MESP1: variants seen among roughly 807,000 people sequenced by gnomAD.
MESP1 encodes mesoderm posterior protein 1.
Under a neutral mutation model 15.2 loss-of-function variants are expected in MESP1, and 22 were observed. The observed-to-expected ratio is 1.45, with a 90% CI of 1.04 to 2.07. The LOEUF (loss-of-function observed/expected upper bound fraction) is 2.07, where lower values mean the gene tolerates loss of function less well. Ranked by LOEUF, MESP1 falls within the 30% of genes most tolerant of loss-of-function variation. The pLI is 0.00. For synonymous variants in MESP1, 216 were observed against 192.6 expected (o/e 1.12, Z -1.01); for missense variants, 484 against 411.9 (o/e 1.17, Z -1.51).
chr15:89,737,895 G>A, the MESP1 span: 2 of 1,306,144 alleles, frequency 1.5e-6, no homozygotes, highest in Admixed American at 2.2e-5. Flanking sequence ...TAAAATGCCA[G>A]CAGGGTCTTC....
chr15:89,749,241 A>C (rs1404849726), downstream of MESP1: 2 of 152,184 alleles, frequency 1.3e-5, no homozygotes, highest in Non-Finnish European at 2.9e-5. Flanking sequence ...ATGGTTATAT[A>C]AACTCAGGAC....
chr15:89,741,826 A>G, the MESP1 span, among the ~76,000 whole-genome samples: 1 of 151,906 alleles, frequency 6.6e-6, no homozygotes, highest in Admixed American at 6.6e-5. Flanking sequence ...ATCTCAGCTC[A>G]CTGCAACCTC....
the MESP1 span, among the ~76,000 whole-genome samples, chr15:89,743,011 T>A: frequency 6.6e-6 from 1 of 152,244 alleles, no homozygotes; most frequent in East Asian, 1.9e-4. Context: ...TTGTGTGTAA[T>A]ACCACAGCTT....
At chr15:89,742,864 A>T in the MESP1 span, among the ~76,000 whole-genome samples, 2 of 152,222 alleles carry the variant, frequency 1.3e-5, no homozygotes, top group Non-Finnish European at 2.9e-5. Context: ...GACCCAACTC[A>T]AACTGTCTTT....
chr15:89,737,602 G>A, the MESP1 span: 1 of 1,614,104 alleles, frequency 6.2e-7, no homozygotes, highest in Non-Finnish European at 8.5e-7. Context: ...ATGGCTCTGT[G>A]TGCCTTATGG....
chr15:89,750,692 A>G lies in MESP1; in HGVS notation c.540T>C (p.Ala180=). ...GCCCGCGCCCCTGCCCCTGCCCCTC[A>G]GCCTGCGTCCGTGTCTGCATCTGCG... The part of the protein sequence containing the change: ...CPAQMQTRTQ[A]EGQGQGRGLG... Residue 180 remains alanine (A), a synonymous_variant, in exon 1 of 2, where the codon GCT becomes GCC. Transcript: ENST00000300057. The G allele has an allele frequency of 2.9e-6, 4 of 1,364,974 alleles. No homozygotes were observed. Among genetic ancestry groups the G allele is most frequent in the Non-Finnish European group, 3.8e-6 (4 of 1,064,172 alleles). The allele number at this position is 1,364,974 out of a possible 1,614,324, so 84.6% of individuals were successfully genotyped here.
intron 1 of MESP1, 31 bp downstream of exon 1, chr15:89,750,478 A>G: frequency 6.7e-7 from 1 of 1,483,056 alleles, no homozygotes; most frequent in Non-Finnish European, 8.9e-7. Flanking sequence ...GGGGGCACGG[A>G]CGAAGGGGGC....
chr15:89,750,038 T>C lies in MESP1; in HGVS notation c.*106A>G. The C allele has an allele frequency of 8.9e-7, 1 of 1,121,382 alleles. No individual in the cohort carries two copies. Among genetic ancestry groups the C allele is most frequent in the South Asian group, 1.3e-5 (1 of 78,356 alleles). The allele number at this position is 1,121,382 out of a possible 1,614,324, so 69.5% of individuals were successfully genotyped here. On this transcript the variant is annotated 3_prime_UTR_variant, in exon 2 of 2. Transcript: ENST00000300057. ...ACCCGCAGGAATGCCCCCGTCGGGA[T>C]CGCCCGTGCCCTCTTCCAGGAAAGG...
chr15:89,747,109 C>CAT (rs1967984328), downstream of MESP1, among the ~76,000 whole-genome samples: 6 of 22,460 alleles, frequency 2.7e-4, no homozygotes, highest in African/African-American at 1.3e-3. Context: ...CATACACACA[C>CAT]ACACACACAC....
Position 89,750,181 on chromosome 15 carries a change from A to AG in MESP1, c.769dup (p.Leu257ProfsTer9), listed in dbSNP as rs1159779102. The AG allele has an allele frequency of 3.7e-6, 6 of 1,613,920 alleles. No individual in the cohort carries two copies. In the African/African-American group the frequency reaches 6.7e-5, roughly 18 times the overall value. ...CTCAGGCAGCCACTCCAGAGGCGAGAGGGGCATCCAGGTCTCCAACAGAGC... is the reference window on the plus strand; with the variant it reads ...CTCAGGCAGCCACTCCAGAGGCGAGAGGGGGCATCCAGGTCTCCAACAGAGC... On this transcript the variant is annotated frameshift_variant, in exon 2 of 2. Transcript: ENST00000300057. LOFTEE classifies it high-confidence loss of function.
Position 89,750,221 on chromosome 15 carries a change from G to C in MESP1, c.730C>G (p.Pro244Ala). 6.2e-7 allele frequency: 1 copy of C among 1,613,988 alleles called. No individual in the cohort carries two copies. The highest frequency in any genetic ancestry group is 8.5e-7 in the Non-Finnish European group (1 of 1,179,960). The change falls in exon 2 of 2, where the codon CCG (proline) becomes GCG (alanine). Residue 244 changes from proline (P) to alanine (A), a missense_variant. Pro to Ala is a conservative substitution (Grantham distance 27). Transcript: ENST00000300057. ...TCCAACAGAGCCAGCACGTCGCCCGGAAGGAGCTGTAGGGAGAGACGGAAC... is the reference window on the plus strand; with the variant it reads ...TCCAACAGAGCCAGCACGTCGCCCGCAAGGAGCTGTAGGGAGAGACGGAAC... ...MEPSPPSPLL[P>A]GDVLALLETW... is the part of the protein sequence containing the mutation.
At chr15:89,736,478 A>G in the MESP1 span, among the ~76,000 whole-genome samples, 7 of 152,028 alleles carry the variant, frequency 4.6e-5, no homozygotes, top group Non-Finnish European at 8.8e-5. Context: ...TGTTAAAGAG[A>G]GGGAGTGAAT....
the MESP1 span, among the ~76,000 whole-genome samples, chr15:89,732,765 TC>T: frequency 6.6e-6 from 1 of 152,078 alleles, no homozygotes; most frequent in Non-Finnish European, 1.5e-5. Flanking sequence ...CCTGCCCTCC[TC>T]CATGCTCTTG....
the MESP1 span, among the ~76,000 whole-genome samples, chr15:89,732,845 T>C: frequency 6.7e-4 from 102 of 152,250 alleles, no homozygotes; most frequent in African/African-American, 2.4e-3. Flanking sequence ...TCTCTCCCAT[T>C]GGGCACTAGG....
the MESP1 span, among the ~76,000 whole-genome samples, chr15:89,742,002 T>G: frequency 6.6e-6 from 1 of 152,160 alleles, no homozygotes; most frequent in Non-Finnish European, 1.5e-5. Context: ...CCACCCGCCT[T>G]GGCCTCCCAA....
chr15:89,751,149 G>C lies in MESP1; in HGVS notation c.83C>G (p.Ser28Cys). Residue 28 changes from serine (S) to cysteine (C), a missense_variant, in exon 1 of 2, where the codon TCC (serine) becomes TGC (cysteine). Transcript: ENST00000300057. ...AWGPTRRPPP[S>C]DKDCGRSLVS... is the part of the protein sequence containing the mutation. ...GAGGGAGCGGCCGCAGTCCTTGTCG[G>C]AGGGCGGCGGCCGCCGAGTTGGGCC... The C allele has an allele frequency of 7.9e-7, 1 of 1,268,470 alleles. No homozygotes were observed. The highest frequency in any genetic ancestry group is 9.9e-7 in the Non-Finnish European group (1 of 1,010,178). 78.6% of individuals were successfully genotyped at this position (1,268,470 alleles called of 1,614,324 possible).
chr15:89,746,363 ACAG>A (rs1247730411), downstream of MESP1, among the ~76,000 whole-genome samples: 4 of 126,792 alleles, frequency 3.2e-5, no homozygotes, highest in African/African-American at 1.5e-4. Flanking sequence ...ACACATCCAC[ACAG>A]CATCCACACC....
chr15:89,733,181 C>T, the MESP1 span: 16 of 1,613,874 alleles, frequency 9.9e-6, no homozygotes, highest in Middle Eastern at 6.6e-4. Context: ...TGGAGGCTAG[C>T]GGGACCCAAG....
chr15:89,746,376 C>CA (rs1967954507), downstream of MESP1, among the ~76,000 whole-genome samples: 1 of 143,784 alleles, frequency 7.0e-6, no homozygotes, highest in Non-Finnish European at 1.5e-5. Context: ...GCATCCACAC[C>CA]TCCACACATC....
Sources: gnomAD v4.1 joint callset for allele counts (sites outside exome capture counted in the v4.1 genomes callset) on GRCh38, gnomAD v4.1.1 for gene constraint, MANE v1.5 for transcripts, NCBI Gene and HGNC (gene_info 2026-07-23, HGNC 2026-07-21) for gene names.